The following RBM47 variants were observed in gnomAD, a reference collection of about 807,000 sequenced individuals.
The protein encoded by RBM47 is RNA binding motif protein 47.
A neutral mutation model predicts 47.1 loss-of-function variants in RBM47; 21 were observed. The observed-to-expected ratio is 0.45, with a 90% CI of 0.32 to 0.64. The LOEUF (loss-of-function observed/expected upper bound fraction) is 0.64. Among genes scored for constraint, RBM47 ranks in the 30% least tolerant of loss-of-function variants. The pLI, the probability that RBM47 is intolerant of heterozygous loss-of-function variation, is 0.05. For synonymous variants in RBM47, 375 were observed against 361.7 expected (o/e 1.04, Z -0.42); for missense variants, 708 against 870.9 (o/e 0.81, Z 2.35).
intron 2 of RBM47, among the ~76,000 whole-genome samples, chr4:40,519,060 G>A (rs1294136189): frequency 6.6e-6 from 1 of 151,764 alleles, no homozygotes; most frequent in East Asian, 1.9e-4. Flanking sequence ...AATGATCCAG[G>A]CATGGTGGCA....
chr4:40,437,864 T>G lies in RBM47; in HGVS notation c.1030A>C (p.Ser344Arg), dbSNP rs1712913511. The G allele has an allele frequency of 1.9e-6, 3 of 1,613,966 alleles. No homozygotes were observed. The Admixed American group carries it at 5.0e-5, about 27-fold the overall frequency. ...TAGGGGTCGCAGGAGTACACGTAGC[T>G]GGGCTGCTGCGCTGCCTCAGCCGCG... is the stretch of plus-strand genomic sequence containing the variant. ...GGAAEAAQQPSYVYSCDPYTL... is the reference protein window; with the variant it reads ...GGAAEAAQQPRYVYSCDPYTL... The change falls in exon 4 of 7, where the codon AGC becomes CGC. Residue 344 changes from serine to arginine, a missense_variant. Physicochemically the swap from Ser to Arg is moderately radical, Grantham distance 110 (BLOSUM62 -1). Coordinates refer to ENST00000295971, the MANE Select transcript of RBM47 (RefSeq NM_001098634.2).
At chr4:40,630,383 G>A (rs2154283190), upstream of RBM47, 1 of 152,408 alleles carries the variant, frequency 6.6e-6, no homozygotes, top group East Asian at 1.9e-4. Context: ...CCATAAACAA[G>A]TCGCTGGACG....
intron 2 of RBM47, among the ~76,000 whole-genome samples, chr4:40,517,928 G>A (rs1224474917): frequency 1.3e-5 from 2 of 152,074 alleles, no homozygotes; most frequent in Non-Finnish European, 2.9e-5. Context: ...TTATATAGAG[G>A]ACTCGAGCAT....
In RBM47 at chr4:40,628,978, AC is replaced by A. The variant is rs1190586080; in HGVS notation, c.-240+417del. ...TTCAGACGTAAATTACTGCAGGAAG[AC>A]CCCCCTCTGCCTTGGTTAACACTTA... is the stretch of plus-strand genomic sequence containing the variant. On this transcript the variant is annotated intron_variant, in intron 1 of 6. Transcript: ENST00000295971. This position sits in a 1 kb window ranked among gnomAD's most constrained non-coding sequence, Gnocchi z 4.0. 6.6e-6 allele frequency among the ~76,000 whole-genome samples: 1 copy of A among 150,638 alleles called. No homozygotes were observed. Among genetic ancestry groups the A allele is most frequent in the African/African-American group, 2.4e-5 (1 of 40,886 alleles).
intron 1 of RBM47, among the ~76,000 whole-genome samples, chr4:40,564,114 T>C (rs953947196): frequency 2.6e-5 from 4 of 152,240 alleles, no homozygotes; most frequent in Non-Finnish European, 4.4e-5. Flanking sequence ...CCACCTTCCA[T>C]GGAAGCATAG....
At chr4:40,482,591 G>A (rs917789582) in intron 2 of RBM47, among the ~76,000 whole-genome samples, 2 of 152,124 alleles carry the variant, frequency 1.3e-5, no homozygotes, top group Admixed American at 6.6e-5. Flanking sequence ...TACAAACAGA[G>A]GCAATCACAA....
At chr4:40,554,784 T>C (rs1729912830) in intron 1 of RBM47, among the ~76,000 whole-genome samples, 1 of 146,104 alleles carries the variant, frequency 6.8e-6, no homozygotes, top group South Asian at 2.3e-4. Context: ...CTTTCTTCCT[T>C]TTTTTTTTAA....
At chr4:40,528,815 C>T (rs554596605) in intron 2 of RBM47, among the ~76,000 whole-genome samples, 18 of 151,328 alleles carry the variant, frequency 1.2e-4, no homozygotes, top group Non-Finnish European at 1.9e-4. Context: ...TGGTGGCATG[C>T]GCCTGTGGCC....
chr4:40,456,181 G>A (rs1023020945), intron 3 of RBM47, among the ~76,000 whole-genome samples: 10 of 152,154 alleles, frequency 6.6e-5, no homozygotes, highest in African/African-American at 1.9e-4. Flanking sequence ...CCCATTGAAT[G>A]TAGTAGGCCC....
intron 2 of RBM47, among the ~76,000 whole-genome samples, chr4:40,495,727 G>A (rs1722477825): frequency 6.6e-6 from 1 of 152,142 alleles, no homozygotes; most frequent in South Asian, 2.1e-4. Flanking sequence ...CTTTGAAGAG[G>A]CATGCTAGCA....
rs1486001689 is a variant in RBM47 at position 40,494,496 on chromosome 4, G to A, written c.-154-27797C>T. On this transcript the variant is annotated intron_variant, in intron 2 of 6. Transcript: ENST00000295971. ...TGGCTCAGCTGTACAGAGATAATCCGGAGAGTCAGTAATCTGTGGGAGGGC... is the reference window on the plus strand; with the variant it reads ...TGGCTCAGCTGTACAGAGATAATCCAGAGAGTCAGTAATCTGTGGGAGGGC... 7.9e-5 allele frequency among the ~76,000 whole-genome samples: 12 copies of A among 152,274 alleles called. No homozygotes were observed. The East Asian group carries it at 1.7e-3, about 22-fold the overall frequency.
At chr4:40,621,904 A>G (rs1036129046) in intron 1 of RBM47, among the ~76,000 whole-genome samples, 1 of 152,244 alleles carries the variant, frequency 6.6e-6, no homozygotes, top group African/African-American at 2.4e-5. Flanking sequence ...GCCTCCATCA[A>G]GGACTTGTGG....
At chr4:40,605,177 C>A (rs556168160) in intron 1 of RBM47, among the ~76,000 whole-genome samples, 2 of 150,446 alleles carry the variant, frequency 1.3e-5, no homozygotes, top group Non-Finnish European at 3.0e-5. Context: ...CACCCGCCAC[C>A]GCGCCCAGCT....
intron 1 of RBM47, among the ~76,000 whole-genome samples, chr4:40,593,478 G>A (rs1734451277): frequency 1.3e-5 from 2 of 152,096 alleles, no homozygotes; most frequent in African/African-American, 4.8e-5. Context: ...GAATCGCTTA[G>A]AAAATCATTT....
At chr4:40,476,089 C>T (rs983607583) in intron 2 of RBM47, among the ~76,000 whole-genome samples, 2 of 152,104 alleles carry the variant, frequency 1.3e-5, no homozygotes, top group Non-Finnish European at 2.9e-5. Context: ...TTTTCAAAGT[C>T]CACCATCCTA....
chr4:40,542,572 C>T (rs1270931085), intron 2 of RBM47: 1 of 152,302 alleles, frequency 6.6e-6, no homozygotes, highest in African/African-American at 2.4e-5. Flanking sequence ...GTGATGCAAT[C>T]TTGGCTCACT....
intron 2 of RBM47, among the ~76,000 whole-genome samples, chr4:40,537,806 C>T (rs1367035513): frequency 6.6e-6 from 1 of 151,702 alleles, no homozygotes; most frequent in African/African-American, 2.4e-5. Flanking sequence ...GTAAATTCGG[C>T]GCAATTACTC....
rs1276520131 is a variant in RBM47 at position 40,423,692 on chromosome 4, CTT to C, written c.*2210_*2211del. On this transcript the variant is annotated 3_prime_UTR_variant, in exon 7 of 7. Transcript: ENST00000295971. Reference sequence around the variant, plus strand: ...TCTTTCTTTCTTTCTTTCTTTCTTTCTTTCTTTCTTTCTTTCTTTCTTTTCTT... The same window carrying C: ...TCTTTCTTTCTTTCTTTCTTTCTTTCTCTTTCTTTCTTTCTTTCTTTTCTT... 6.2e-4 allele frequency: 65 copies of C among 105,108 alleles called. No homozygotes were observed. Among genetic ancestry groups the C allele is most frequent in the African/African-American group, 2.9e-3 (63 of 21,694 alleles). The allele number at this position is 105,108 out of a possible 1,614,324, so 6.5% of individuals were successfully genotyped here. A position where few individuals can be genotyped will look rare whatever the true frequency, so the allele number is the denominator to read the frequency against.
intron 3 of RBM47, among the ~76,000 whole-genome samples, chr4:40,441,778 T>C (rs1442731913): frequency 6.6e-6 from 1 of 152,172 alleles, no homozygotes; most frequent in East Asian, 1.9e-4. Flanking sequence ...CCCAATAATA[T>C]AAGAAAAAAT....
Sources: allele counts gnomAD v4.1 joint callset (sites outside exome capture counted in the v4.1 genomes callset), GRCh38; gene constraint gnomAD v4.1.1; non-coding constraint Gnocchi (gnomAD v3.1); transcripts MANE v1.5; gene names NCBI Gene and HGNC (gene_info 2026-07-23, HGNC 2026-07-21).